Variants in CR1 observed in about 807,000 individuals in gnomAD.
CR1 encodes the protein complement receptor type 1.
A neutral mutation model predicts 187.3 loss-of-function variants in CR1; 116 were observed. That is an observed-to-expected ratio of 0.62 (90% confidence interval 0.53 to 0.72). The LOEUF (loss-of-function observed/expected upper bound fraction) is 0.72, where lower values mean the gene tolerates loss of function less well. Among genes scored for constraint, CR1 ranks in the 30% least tolerant of loss-of-function variants. The pLI, the probability that CR1 is intolerant of heterozygous loss-of-function variation, is 0.00. For synonymous variants in CR1, 576 were observed against 747.1 expected, an observed-to-expected ratio of 0.77 and a Z score of 3.73; for missense variants, 1,731 against 2,110.7, an observed-to-expected ratio of 0.82 and a Z score of 3.52.
chr1:207,519,951 T>C (rs1481624956), intron 4 of CR1, among the ~76,000 whole-genome samples: 1 of 152,234 alleles, frequency 6.6e-6, no homozygotes, highest in Non-Finnish European at 1.5e-5. Flanking sequence ...TGTTATAGTT[T>C]GCAGTTTACA....
intron 32 of CR1, among the ~76,000 whole-genome samples, chr1:207,583,887 A>G (rs1027490819): frequency 1.3e-5 from 2 of 152,200 alleles, no homozygotes; most frequent in Non-Finnish European, 2.9e-5. Flanking sequence ...TAGTTTATCT[A>G]TAATTCTTTT....
intron 4 of CR1, among the ~76,000 whole-genome samples, chr1:207,521,068 C>T (rs1364119258): frequency 6.0e-5 from 9 of 148,984 alleles, no homozygotes; most frequent in Admixed American, 1.3e-4. Context: ...CCTCCGCCTC[C>T]GGGGTTCAAG....
intron 45 of CR1, among the ~76,000 whole-genome samples, chr1:207,626,155 CA>C (rs1662472652): frequency 6.6e-6 from 1 of 152,178 alleles, no homozygotes; most frequent in African/African-American, 2.4e-5. Flanking sequence ...AGGCTAGAAG[CA>C]AGATGAAGTC....
chr1:207,595,141 G>GAA (rs76679590), intron 35 of CR1, among the ~76,000 whole-genome samples: 1,720 of 92,792 alleles, frequency 0.019, 43 homozygotes, highest in African/African-American at 0.058. Flanking sequence ...CCAACCCCCG[G>GAA]AAAAAAAAAA....
chr1:207,621,418 T>C (rs1662311297), intron 43 of CR1, among the ~76,000 whole-genome samples: 1 of 152,130 alleles, frequency 6.6e-6, no homozygotes, highest in African/African-American at 2.4e-5. Flanking sequence ...AATTATGAAA[T>C]GTATGTGGAA....
intron 46 of CR1, among the ~76,000 whole-genome samples, chr1:207,633,263 A>G (rs1289474253): frequency 6.6e-6 from 1 of 152,206 alleles, no homozygotes; most frequent in Non-Finnish European, 1.5e-5. Flanking sequence ...AAATAAACTA[A>G]TTTATTTTAA....
At position 207,634,681 on chromosome 1, in the gene CR1, C is replaced by T. The variant is rs56119423; in HGVS notation, c.7457+4060C>T. Among the ~76,000 whole-genome samples, 109 of 152,160 alleles carry T rather than the reference C, an allele frequency of 7.2e-4. 1 individual carries two copies. The highest frequency in any genetic ancestry group is 8.2e-4 in the African/African-American group (34 of 41,454). ...TTGGTGGAAGGACACCATTCCCGGC[C>T]TTAAAAGGAGACGCTTCAGCACGGC... On this transcript the variant is annotated intron_variant, in intron 46 of 46. Coordinates refer to ENST00000367049, the MANE Select transcript of CR1 (RefSeq NM_000651.6).
chr1:207,598,245 G>A (rs1661503348), intron 35 of CR1, among the ~76,000 whole-genome samples: 1 of 151,824 alleles, frequency 6.6e-6, no homozygotes, highest in African/African-American at 2.4e-5. Context: ...ATTTTATGTT[G>A]TATCTCTTTT....
At chr1:207,556,655 A>ATGTG (rs1173016382) in intron 19 of CR1, among the ~76,000 whole-genome samples, 5 of 64,814 alleles carry the variant, frequency 7.7e-5, no homozygotes, top group African/African-American at 2.3e-4. Flanking sequence ...TATCATATAT[A>ATGTG]TATATATATA....
intron 40 of CR1, 46 bp from the exon 41 acceptor site, chr1:207,616,529 T>A: frequency 6.3e-7 from 1 of 1,591,346 alleles, no homozygotes; most frequent in Non-Finnish European, 8.6e-7. Flanking sequence ...TTCAGTCATC[T>A]TAAGTGAAAT....
rs1662938752 is a variant in CR1 at position 207,640,153 on chromosome 1, C to G, written c.*744C>G. The G allele has an allele frequency of 6.6e-6, 1 of 152,156 alleles. No homozygotes were observed. The highest frequency in any genetic ancestry group is 2.4e-5 in the African/African-American group (1 of 41,418). The allele number at this position is 152,156 out of a possible 1,614,324, so 9.4% of individuals were successfully genotyped here. A position where few individuals can be genotyped will look rare whatever the true frequency, so the allele number is the denominator to read the frequency against. The stretch of plus-strand genomic sequence containing the variant: ...TTTTTTTTTGAGATGGAGTCTGGCT[C>G]TGTCTCCCAGGCTGGAGTGCAGTGG... On this transcript the variant is annotated 3_prime_UTR_variant, in exon 47 of 47. Coordinates refer to ENST00000367049, the MANE Select transcript of CR1 (RefSeq NM_000651.6).
chr1:207,598,251 CTT>C (rs1191226552), intron 35 of CR1, among the ~76,000 whole-genome samples: 1 of 151,684 alleles, frequency 6.6e-6, no homozygotes, highest in East Asian at 1.9e-4. Flanking sequence ...TGTTGTATCT[CTT>C]TTAAAACAAT....
At chr1:207,506,670 T>C in intron 2 of CR1, 44 bp from the exon 3 acceptor site, 2 of 1,566,894 alleles carry the variant, frequency 1.3e-6, no homozygotes, top group Non-Finnish European at 1.8e-6. Context: ...AAAAAGTTTT[T>C]AGTTTACTCT....
In CR1 at chr1:207,563,962, G is replaced by A. The variant is rs375660602; in HGVS notation, c.3685G>A (p.Gly1229Ser). ...GQEVFYSCEP[G>S]YDLRGAASMR... ...GGAAGTGTTCTACAGCTGTGAGCCC[G>A]GCTATGACCTCAGAGGGGCTGCGTC... The change falls in exon 22 of 47, where the codon GGC becomes AGC. Residue 1229 changes from glycine (G) to serine (S), a missense_variant. Physicochemically the swap from Gly to Ser is moderately conservative, Grantham distance 56. This residue lies in a region of CR1 where 34 missense variants were observed against 79.5 expected (regional missense o/e 0.43). Transcript: ENST00000367049. 2.4e-5 allele frequency: 37 copies of A among 1,515,870 alleles called. 6 individuals are homozygous for A. The highest frequency in any genetic ancestry group is 3.0e-5 in the Non-Finnish European group (35 of 1,147,938). The allele number at this position is 1,515,870 out of a possible 1,614,324, so 93.9% of individuals were successfully genotyped here.
At chr1:207,630,387 C>T (rs909135513) in intron 45 of CR1, 130 bp from the exon 46 acceptor site, 100 of 565,554 alleles carry the variant, frequency 1.8e-4, no homozygotes, top group Middle Eastern at 4.1e-4. Context: ...TCCTTTCAGA[C>T]GTCTTGCAAA....
chr1:207,632,698 T>C (rs1662682341), intron 46 of CR1, among the ~76,000 whole-genome samples: 1 of 147,688 alleles, frequency 6.8e-6, no homozygotes, highest in African/African-American at 2.6e-5. Context: ...CTCGGGAGGC[T>C]GAGGCAGGAG....
chr1:207,515,829 TTAA>T (rs1264988286), intron 4 of CR1, among the ~76,000 whole-genome samples: 1 of 152,188 alleles, frequency 6.6e-6, no homozygotes, highest in African/African-American at 2.4e-5. Context: ...TTTTTCCTTC[TTAA>T]TGATGTCTTT....
At chr1:207,524,436 T>C (rs796358505) in intron 5 of CR1, among the ~76,000 whole-genome samples, 18 of 152,192 alleles carry the variant, frequency 1.2e-4, no homozygotes, top group African/African-American at 4.3e-4. Flanking sequence ...CACGTTGAAC[T>C]GCTGTGGTGC....
intron 46 of CR1, among the ~76,000 whole-genome samples, chr1:207,637,381 A>G (rs2102423036): frequency 6.6e-6 from 1 of 152,366 alleles, no homozygotes; most frequent in Admixed American, 6.5e-5. Context: ...ACTATTGGCC[A>G]CACATTCTTC....
Sources: allele counts gnomAD v4.1 joint callset (sites outside exome capture counted in the v4.1 genomes callset), GRCh38; gene constraint gnomAD v4.1.1; regional missense constraint gnomAD v4.1.1; transcripts MANE v1.5; gene names NCBI Gene and HGNC (gene_info 2026-07-23, HGNC 2026-07-21).